The following DOCK2 variants were observed in gnomAD, a reference collection of about 807,000 sequenced individuals.
DOCK2 encodes dedicator of cytokinesis protein 2.
A neutral mutation model predicts 248.9 loss-of-function variants in DOCK2; 87 were observed. The observed-to-expected ratio is 0.35, with a 90% CI of 0.29 to 0.42. DOCK2 has a LOEUF of 0.42. Among genes scored for constraint, DOCK2 ranks in the 10% least tolerant of loss-of-function variants. The probability of loss-of-function intolerance (pLI) is 1.00; values close to 1 mark genes in which losing one functional copy is unlikely to be tolerated. For missense variants in DOCK2, 1,747 were observed against 2,300.2 expected, an observed-to-expected ratio of 0.76 and a Z score of 4.92; for synonymous variants, 805 against 821.6, an observed-to-expected ratio of 0.98 and a Z score of 0.35.
At chr5:169,731,027 C>A (rs957741801) in intron 22 of DOCK2, among the ~76,000 whole-genome samples, 1 of 151,920 alleles carries the variant, frequency 6.6e-6, no homozygotes, top group Non-Finnish European at 1.5e-5. Flanking sequence ...GACTAATGCC[C>A]AGCTAATTTT....
chr5:169,918,817 G>A (rs1250765986), intron 27 of DOCK2, among the ~76,000 whole-genome samples: 2 of 152,202 alleles, frequency 1.3e-5, no homozygotes, highest in African/African-American at 4.8e-5. Flanking sequence ...GGAGGCTGAG[G>A]CAGGAGGATT....
chr5:170,057,253 C>A, intron 43 of DOCK2: 1 of 407,478 alleles, frequency 2.5e-6, no homozygotes, highest in Non-Finnish European at 4.6e-6. Context: ...GAGCCACTGC[C>A]TCTTTGAGAG....
chr5:169,813,073 C>T (rs530165545), intron 26 of DOCK2, among the ~76,000 whole-genome samples: 5 of 152,304 alleles, frequency 3.3e-5, no homozygotes, highest in South Asian at 4.2e-4. Flanking sequence ...GGGGCTCCTG[C>T]GGGGAATTCC....
rs560197145 is a variant in DOCK2, at chr5:169,801,619, C to T, written c.2555-1439C>T. 2.0e-5 allele frequency among the ~76,000 whole-genome samples: 3 copies of T among 152,256 alleles called. No individual in the cohort carries two copies. In the South Asian group the frequency reaches 6.2e-4, roughly 32 times the overall value. On this transcript the variant is annotated intron_variant, in intron 25 of 51. Transcript: ENST00000520908. ...AATTGGGGCCAGGTGTCCAGCCCTT[C>T]TCCAGGGGAAGGCAGGGAGCCTATG...
intron 22 of DOCK2, among the ~76,000 whole-genome samples, chr5:169,737,498 T>A (rs1251825887): frequency 6.6e-6 from 1 of 152,176 alleles, no homozygotes; most frequent in East Asian, 1.9e-4. Context: ...AAAAGTGATG[T>A]CTTTTTGCAT....
intron 25 of DOCK2, among the ~76,000 whole-genome samples, chr5:169,776,857 C>T (rs1328259109): frequency 1.3e-5 from 2 of 152,196 alleles, no homozygotes; most frequent in Non-Finnish European, 2.9e-5. Context: ...TTTCTGAGGC[C>T]TCCCTAGCAA....
intron 35 of DOCK2, among the ~76,000 whole-genome samples, chr5:170,036,033 A>G (rs960378218): frequency 6.6e-6 from 1 of 152,180 alleles, no homozygotes; most frequent in African/African-American, 2.4e-5. Context: ...TGGCGACAGA[A>G]TCCCATATAA....
At chr5:169,958,542 A>G (rs1444840492) in intron 27 of DOCK2, among the ~76,000 whole-genome samples, 2 of 151,940 alleles carry the variant, frequency 1.3e-5, no homozygotes, top group African/African-American at 2.4e-5. Flanking sequence ...CCGTCTTACT[A>G]TTAAAATAGA....
At chr5:169,796,635 G>A (rs1178657849) in intron 25 of DOCK2, among the ~76,000 whole-genome samples, 5 of 152,102 alleles carry the variant, frequency 3.3e-5, no homozygotes, top group African/African-American at 9.7e-5. Context: ...ATAGTAAGAT[G>A]GAAATATATC....
At chr5:169,866,098 A>AG (rs113186074) in intron 27 of DOCK2, among the ~76,000 whole-genome samples, 15,057 of 144,018 alleles carry the variant, frequency 0.1, 910 homozygotes, top group Admixed American at 0.18. Flanking sequence ...CAGAGGGGCG[A>AG]GGGGGCCTGT....
At chr5:169,867,267 A>G (rs1771626266) in intron 27 of DOCK2, among the ~76,000 whole-genome samples, 1 of 152,186 alleles carries the variant, frequency 6.6e-6, no homozygotes, top group Admixed American at 6.5e-5. Context: ...TAGGCAGGTG[A>G]CAGGAGGACA....
At chr5:169,931,361 A>G (rs1775743741) in intron 27 of DOCK2, among the ~76,000 whole-genome samples, 1 of 152,176 alleles carries the variant, frequency 6.6e-6, no homozygotes, top group African/African-American at 2.4e-5. Context: ...GCGTCTCTCA[A>G]AGGGCTTGCC....
At chr5:169,844,718 T>C (rs765263004) in intron 27 of DOCK2, among the ~76,000 whole-genome samples, 2 of 150,594 alleles carry the variant, frequency 1.3e-5, no homozygotes, top group Non-Finnish European at 2.9e-5. Flanking sequence ...ATTGATCACA[T>C]TTTCATGTGC....
chr5:170,052,703 T>C (rs2113854773), intron 41 of DOCK2, among the ~76,000 whole-genome samples: 1 of 152,350 alleles, frequency 6.6e-6, no homozygotes, highest in Non-Finnish European at 1.5e-5. Flanking sequence ...TCATCCTTTT[T>C]AAAAAGATTG....
At chr5:170,035,226 T>G (rs773329463) in intron 35 of DOCK2, among the ~76,000 whole-genome samples, 1 of 152,168 alleles carries the variant, frequency 6.6e-6, no homozygotes, top group Non-Finnish European at 1.5e-5. Flanking sequence ...GCAGCCATAA[T>G]GCTTCATATT....
intron 27 of DOCK2, among the ~76,000 whole-genome samples, chr5:169,974,291 A>G (rs1777634380): frequency 2.0e-5 from 3 of 152,242 alleles, no homozygotes; most frequent in Admixed American, 6.5e-5. Context: ...TAAGTATCCT[A>G]TAACTGTTGG....
chr5:170,034,573 G>A lies in DOCK2; in HGVS notation c.3624+18G>A. The A allele has an allele frequency of 6.2e-7, 1 of 1,613,492 alleles. No homozygotes were observed. Among genetic ancestry groups the A allele is most frequent in the Admixed American group, 1.7e-5 (1 of 60,008 alleles). ...ACCTGCTGGTGCGTGGGGCTGGCGG[G>A]TCCAAGTCAGACCAGAACCCTGTGG... On this transcript the variant is annotated intron_variant, in intron 35 of 51. Coordinates refer to ENST00000520908, the MANE Select transcript of DOCK2 (RefSeq NM_004946.3).
chr5:169,682,998 T>C (rs1276686430), intron 7 of DOCK2, among the ~76,000 whole-genome samples: 3 of 152,244 alleles, frequency 2.0e-5, no homozygotes, highest in African/African-American at 7.2e-5. Context: ...AGTATACCAC[T>C]GGCCAGTTAC....
intron 27 of DOCK2, among the ~76,000 whole-genome samples, chr5:169,951,057 C>T (rs956171627): frequency 1.3e-5 from 2 of 152,342 alleles, no homozygotes; most frequent in East Asian, 1.9e-4. Context: ...TCCCACACCA[C>T]AGTGATTGGC....
Sources: gnomAD v4.1 joint callset for allele counts (sites outside exome capture counted in the v4.1 genomes callset) on GRCh38, gnomAD v4.1.1 for gene constraint, MANE v1.5 for transcripts, NCBI Gene and HGNC (gene_info 2026-07-23, HGNC 2026-07-21) for gene names.